The following SNTG2 variants were observed in gnomAD, a reference collection of about 807,000 sequenced individuals.
The protein encoded by SNTG2 is syntrophin gamma 2.
SNTG2 carries 74 observed loss-of-function variants against 70.9 expected under a neutral mutation model. The ratio of observed to expected loss-of-function variants is 1.04; its 90% confidence interval spans 0.86 to 1.27. The LOEUF (loss-of-function observed/expected upper bound fraction) is 1.27. Ranked by LOEUF, SNTG2 falls within the 50% of genes most tolerant of loss-of-function variation. The pLI, the probability that SNTG2 is intolerant of heterozygous loss-of-function variation, is 0.00. For synonymous variants in SNTG2, 278 were observed against 273.8 expected (o/e 1.02, Z -0.15); for missense variants, 717 against 690.7 (o/e 1.04, Z -0.43).
chr2:1,280,661 C>T (rs971010946), intron 14 of SNTG2, among the ~76,000 whole-genome samples: 6 of 152,292 alleles, frequency 3.9e-5, no homozygotes, highest in East Asian at 1.9e-4. Context: ...GTTATTCATT[C>T]GCTTAAATCC....
At chr2:1,242,219 G>A (rs1336107448) in intron 11 of SNTG2, among the ~76,000 whole-genome samples, 1 of 152,034 alleles carries the variant, frequency 6.6e-6, no homozygotes, top group Non-Finnish European at 1.5e-5. Flanking sequence ...AAGACATTAG[G>A]CCCTTTAAAA....
At chr2:1,030,719 G>A (rs542683529) in intron 1 of SNTG2, among the ~76,000 whole-genome samples, 148 of 152,244 alleles carry the variant, frequency 9.7e-4, no homozygotes, top group African/African-American at 3.3e-3. Context: ...AAATATGTTG[G>A]CAACATGTTA....
rs535298071 is a variant in SNTG2 at position 1,162,691 on chromosome 2, G to A, written c.412-2857G>A. 4.3e-4 allele frequency among the ~76,000 whole-genome samples: 65 copies of A among 152,174 alleles called. 1 individual carries two copies. Among genetic ancestry groups the A allele is most frequent in the South Asian group, 1.7e-3 (8 of 4,816 alleles). ...GGGTGTCGTCGCCGTCATGAACCTCGTTTATCAAAGGAGAGCCTCGGTTCT... is the reference window on the plus strand; with the variant it reads ...GGGTGTCGTCGCCGTCATGAACCTCATTTATCAAAGGAGAGCCTCGGTTCT... On this transcript the variant is annotated intron_variant, in intron 6 of 16. Coordinates refer to ENST00000308624, the MANE Select transcript of SNTG2 (RefSeq NM_018968.4).
chr2:1,115,669 CTAAG>C (rs1666912327), intron 4 of SNTG2, among the ~76,000 whole-genome samples: 1 of 151,764 alleles, frequency 6.6e-6, no homozygotes, highest in Admixed American at 6.6e-5. Flanking sequence ...ATCGTGTGTA[CTAAG>C]TGAGGTTTAA....
At chr2:1,255,845 TATATATAAATATATATAA>T (rs1558602370) in intron 12 of SNTG2, among the ~76,000 whole-genome samples, 3 of 57,784 alleles carry the variant, frequency 5.2e-5, no homozygotes, top group East Asian at 6.7e-4. Context: ...TATATATAAA[TATATATAAATATATATAA>T]ATATATATAA....
At chr2:1,334,783 T>C (rs535413042) in intron 16 of SNTG2, among the ~76,000 whole-genome samples, 25 of 152,022 alleles carry the variant, frequency 1.6e-4, no homozygotes, top group African/African-American at 4.8e-4. Context: ...CTTTGGGGAA[T>C]TGGGGGGAAG....
At chr2:1,197,059 A>G (rs967355966) in intron 8 of SNTG2, among the ~76,000 whole-genome samples, 1 of 152,202 alleles carries the variant, frequency 6.6e-6, no homozygotes, top group Admixed American at 6.5e-5. Context: ...GGAAAAAATG[A>G]TGTACACAAC....
At chr2:1,260,203 T>C (rs187278250) in intron 13 of SNTG2, among the ~76,000 whole-genome samples, 140 of 152,380 alleles carry the variant, frequency 9.2e-4, no homozygotes, top group African/African-American at 3.1e-3. Flanking sequence ...TAAAGATTTG[T>C]CTTTCAAAGT....
At chr2:1,336,546 A>G (rs540379118) in intron 16 of SNTG2, among the ~76,000 whole-genome samples, 80 of 152,280 alleles carry the variant, frequency 5.3e-4, no homozygotes, top group African/African-American at 1.9e-3. Context: ...GACCAATGCC[A>G]AAAATATTTT....
intron 1 of SNTG2, among the ~76,000 whole-genome samples, chr2:1,020,127 G>A (rs182696269): frequency 2.6e-5 from 4 of 152,306 alleles, no homozygotes; most frequent in Non-Finnish European, 4.4e-5. Flanking sequence ...AATCTCTTCT[G>A]ATATTAACAA....
chr2:1,186,056 G>A (rs567689273), intron 8 of SNTG2, among the ~76,000 whole-genome samples: 37 of 152,278 alleles, frequency 2.4e-4, no homozygotes, highest in Admixed American at 2.1e-3. Flanking sequence ...CATCTTGAAT[G>A]CTTTGCTGCT....
chr2:986,942 A>G (rs1661343919), intron 1 of SNTG2, among the ~76,000 whole-genome samples: 1 of 152,258 alleles, frequency 6.6e-6, no homozygotes, highest in East Asian at 1.9e-4. Context: ...CAGCTATTTT[A>G]TATTTGAGTA....
At chr2:1,154,885 CA>C (rs1669753264) in intron 6 of SNTG2, among the ~76,000 whole-genome samples, 1 of 151,344 alleles carries the variant, frequency 6.6e-6, no homozygotes, top group Non-Finnish European at 1.5e-5. Context: ...AAACACACCA[CA>C]CACACAAAGA....
At chr2:1,332,003 C>T (rs1442470135) in intron 16 of SNTG2, among the ~76,000 whole-genome samples, 5 of 151,832 alleles carry the variant, frequency 3.3e-5, no homozygotes, top group Admixed American at 6.6e-5. Flanking sequence ...GGTGCCTGCT[C>T]GGCTGCCTCT....
chr2:1,020,949 C>T (rs1660134389), intron 1 of SNTG2, among the ~76,000 whole-genome samples: 1 of 152,112 alleles, frequency 6.6e-6, no homozygotes, highest in Admixed American at 6.5e-5. Context: ...TTCATTGAAC[C>T]TGGAAAAATG....
chr2:1,262,643 C>CCAGACGAGGAAACCCAAAGGCTCAGAT (rs1678477532), intron 13 of SNTG2, among the ~76,000 whole-genome samples: 3 of 152,082 alleles, frequency 2.0e-5, no homozygotes, highest in African/African-American at 7.2e-5. Context: ...AAGGCTCAGT[C>CCAGACGAGGAAACCCAAAGGCTCAGAT]CAGACGTAGT....
At chr2:1,280,925 A>G (rs1396672338) in intron 14 of SNTG2, among the ~76,000 whole-genome samples, 1 of 152,238 alleles carries the variant, frequency 6.6e-6, no homozygotes, top group Admixed American at 6.5e-5. Flanking sequence ...AAATGAAGTT[A>G]TATGCTGCTG....
At position 1,306,143 on chromosome 2, in the gene SNTG2, G is replaced by A. The variant is rs539597874; in HGVS notation, c.1285-2351G>A. 2.6e-5 allele frequency among the ~76,000 whole-genome samples: 4 copies of A among 152,302 alleles called. No homozygotes were observed. In the South Asian group the frequency reaches 8.3e-4, roughly 32 times the overall value. On this transcript the variant is annotated intron_variant, in intron 14 of 16. Transcript: ENST00000308624. ...GTCAGGTTTATGGAAGGTGGGCAAGGGGAGCTGGCTGGTACTGTGCTTTTC... is the reference window on the plus strand; with the variant it reads ...GTCAGGTTTATGGAAGGTGGGCAAGAGGAGCTGGCTGGTACTGTGCTTTTC...
intron 9 of SNTG2, chr2:1,220,004 A>AT (rs1361462579): frequency 9.9e-5 from 15 of 152,246 alleles, no homozygotes; most frequent in African/African-American, 3.4e-4. Context: ...ATACTGCTAA[A>AT]TACTCTAATT....
Sources: allele counts gnomAD v4.1 joint callset (sites outside exome capture counted in the v4.1 genomes callset), GRCh38; gene constraint gnomAD v4.1.1; transcripts MANE v1.5; gene names NCBI Gene and HGNC (gene_info 2026-07-23, HGNC 2026-07-21).